Variants in KALRN observed in about 807,000 individuals in gnomAD.
The protein encoded by KALRN is kalirin RhoGEF kinase.
Under a neutral mutation model 353.7 loss-of-function variants are expected in KALRN, and 70 were observed. That is an observed-to-expected ratio of 0.20 (90% CI 0.16 to 0.24). The LOEUF (loss-of-function observed/expected upper bound fraction) is 0.24. Among genes scored for constraint, KALRN ranks in the 10% least tolerant of loss-of-function variants. The pLI is 1.00. For synonymous variants in KALRN, 1,391 were observed against 1,434.8 expected, an observed-to-expected ratio of 0.97 and a Z score of 0.69; for missense variants, 2,791 against 3,756.7, an observed-to-expected ratio of 0.74 and a Z score of 6.72.
At chr3:124,223,134 C>T (rs938098358) in intron 1 of KALRN, among the ~76,000 whole-genome samples, 8 of 151,284 alleles carry the variant, frequency 5.3e-5, no homozygotes, top group African/African-American at 1.7e-4. Context: ...TTTGGAAACC[C>T]ATCTTTCTCT....
At chr3:124,446,952 A>G (rs2150682365) in intron 21 of KALRN, 67 bp downstream of exon 21, 4 of 1,574,208 alleles carry the variant, frequency 2.5e-6, no homozygotes, top group Admixed American at 3.7e-5. Flanking sequence ...ATTTCACATT[A>G]TGGAAGCAAA....
chr3:124,639,416 T>A lies in KALRN; in HGVS notation c.5664+2113T>A, dbSNP rs1245290735. On this transcript the variant is annotated intron_variant, in intron 37 of 59. Transcript: ENST00000682506. The stretch of plus-strand genomic sequence containing the variant: ...TTTACCTCCCTAGCTAGATGGTAAG[T>A]CATTTAGGATATTATTATTTTTTGC... Among the ~76,000 whole-genome samples the A allele has an allele frequency of 5.3e-5, 8 of 150,552 alleles. 1 individual carries two copies. In the South Asian group the frequency reaches 1.7e-3, roughly 32 times the overall value.
intron 59 of KALRN, among the ~76,000 whole-genome samples, chr3:124,717,948 A>G (rs1372576083): frequency 6.6e-6 from 1 of 151,184 alleles, no homozygotes; most frequent in South Asian, 2.1e-4. Flanking sequence ...AGTAGCTGGG[A>G]TTACAGGCGC....
At chr3:124,671,584 G>A (rs779128313) in intron 47 of KALRN, 76 bp from the exon 48 acceptor site, 3 of 990,016 alleles carry the variant, frequency 3.0e-6, no homozygotes, top group African/African-American at 3.2e-5. Context: ...CTAACACAAA[G>A]CCTTGGACCT....
intron 6 of KALRN, among the ~76,000 whole-genome samples, chr3:124,306,336 C>G (rs1029418328): frequency 6.6e-6 from 1 of 151,950 alleles, no homozygotes; most frequent in African/African-American, 2.4e-5. Context: ...AATACAATAA[C>G]TGAGACAAAA....
At chr3:124,557,722 G>A (rs2071444854) in intron 33 of KALRN, among the ~76,000 whole-genome samples, 1 of 152,206 alleles carries the variant, frequency 6.6e-6, no homozygotes, top group African/African-American at 2.4e-5. Context: ...GGAAGAAGTT[G>A]CAGGGCAGGC....
At chr3:124,441,052 G>A (rs1459467938) in intron 18 of KALRN, among the ~76,000 whole-genome samples, 2 of 152,172 alleles carry the variant, frequency 1.3e-5, no homozygotes, top group Non-Finnish European at 2.9e-5. Context: ...CCTTTATGTA[G>A]ACTGGCATTC....
intron 34 of KALRN, among the ~76,000 whole-genome samples, chr3:124,620,509 G>T (rs1215028189): frequency 6.6e-6 from 1 of 152,188 alleles, no homozygotes; most frequent in African/African-American, 2.4e-5. Context: ...GCAAACTCTA[G>T]CAGAAGTAAA....
intron 33 of KALRN, chr3:124,504,892 A>T (rs1485546139): frequency 2.0e-6 from 1 of 502,906 alleles, no homozygotes; most frequent in Non-Finnish European, 4.1e-6. Flanking sequence ...CAAATCTGAG[A>T]GCAAGCCAAG....
At chr3:124,239,210 G>C (rs1482303442) in intron 3 of KALRN, among the ~76,000 whole-genome samples, 1 of 152,180 alleles carries the variant, frequency 6.6e-6, no homozygotes, top group East Asian at 1.9e-4. Flanking sequence ...AGACAGGATA[G>C]AAAATCCAGC....
intron 1 of KALRN, among the ~76,000 whole-genome samples, chr3:124,120,922 T>C (rs2063946373): frequency 6.7e-6 from 1 of 150,174 alleles, no homozygotes; most frequent in South Asian, 2.1e-4. Context: ...TGAAACCCCA[T>C]CTGTACTAAA....
chr3:124,587,698 C>CTTTTTTTTTTTTT lies in KALRN; in HGVS notation c.5182+24622_5182+24634dup, dbSNP rs529810541. Among the ~76,000 whole-genome samples, 128 of 75,858 alleles carry CTTTTTTTTTTTTT rather than the reference C, an allele frequency of 1.7e-3. 15 individuals carry two copies. Among genetic ancestry groups the CTTTTTTTTTTTTT allele is most frequent in the African/African-American group, 6.8e-3 (107 of 15,786 alleles). The allele number at this position is 75,858 out of a possible 152,430, so 49.8% of individuals were successfully genotyped here. A position where few individuals can be genotyped will look rare whatever the true frequency, so the allele number is the denominator to read the frequency against. The stretch of plus-strand genomic sequence containing the variant: ...TTTTTCCCTCCACCCCCACCCTCCA[C>CTTTTTTTTTTTTT]TTTTTTTTTTTTTTTTTTTTTTTTT... On this transcript the variant is annotated intron_variant, in intron 34 of 59. Coordinates refer to ENST00000682506, the MANE Select transcript of KALRN (RefSeq NM_001388419.1).
intron 32 of KALRN, among the ~76,000 whole-genome samples, chr3:124,494,263 A>C (rs778526016): frequency 6.6e-6 from 1 of 152,246 alleles, no homozygotes; most frequent in African/African-American, 2.4e-5. Flanking sequence ...GCAGTCTTTA[A>C]TTCCGTTATC....
chr3:124,371,931 C>T (rs574535643), intron 10 of KALRN, among the ~76,000 whole-genome samples: 1 of 152,238 alleles, frequency 6.6e-6, no homozygotes, highest in Non-Finnish European at 1.5e-5. Flanking sequence ...TCCTACCTTA[C>T]CCCCAACTCC....
At chr3:124,608,927 T>C (rs1172436942) in intron 34 of KALRN, among the ~76,000 whole-genome samples, 1 of 152,144 alleles carries the variant, frequency 6.6e-6, no homozygotes, top group Non-Finnish European at 1.5e-5. Flanking sequence ...CTGTACTCCT[T>C]TTCTTGAGCG....
intron 9 of KALRN, among the ~76,000 whole-genome samples, chr3:124,342,872 G>T (rs142210851): frequency 6.6e-5 from 10 of 152,158 alleles, no homozygotes; most frequent in East Asian, 1.9e-4. Context: ...AATATGTTAT[G>T]TCTGTGCTAC....
chr3:124,379,539 C>T (rs2087036061), intron 10 of KALRN, among the ~76,000 whole-genome samples: 1 of 152,146 alleles, frequency 6.6e-6, no homozygotes, highest in South Asian at 2.1e-4. Flanking sequence ...CTGTTCAGGT[C>T]GTTCTCTTAA....
intron 25 of KALRN, among the ~76,000 whole-genome samples, chr3:124,473,564 C>A (rs946838890): frequency 6.6e-6 from 1 of 152,116 alleles, no homozygotes; most frequent in Non-Finnish European, 1.5e-5. Flanking sequence ...TAGCTTCTCC[C>A]AGAGTTCTTC....
chr3:124,585,103 C>T (rs562131325), intron 34 of KALRN, among the ~76,000 whole-genome samples: 1 of 152,330 alleles, frequency 6.6e-6, no homozygotes, highest in East Asian at 1.9e-4. Flanking sequence ...CGCGCGCTCG[C>T]TGGCTGGCGG....
Sources: gnomAD v4.1 joint callset for allele counts (sites outside exome capture counted in the v4.1 genomes callset) on GRCh38, gnomAD v4.1.1 for gene constraint, MANE v1.5 for transcripts, NCBI Gene and HGNC (gene_info 2026-07-23, HGNC 2026-07-21) for gene names.